Variants in BAZ2B observed in about 807,000 individuals in gnomAD.
The protein encoded by BAZ2B is bromodomain adjacent to zinc finger domain protein 2B.
Under a neutral mutation model 246.0 loss-of-function variants are expected in BAZ2B, and 91 were observed. The ratio of observed to expected loss-of-function variants is 0.37; its 90% CI spans 0.31 to 0.44. The LOEUF (loss-of-function observed/expected upper bound fraction) is 0.44, where lower values mean the gene tolerates loss of function less well. Ranked by LOEUF, BAZ2B falls within the 20% of genes least tolerant of loss-of-function variation. The probability of loss-of-function intolerance (pLI) is 1.00; values close to 1 mark genes in which losing one functional copy is unlikely to be tolerated. For missense variants in BAZ2B, 2,332 were observed against 2,533.7 expected (o/e 0.92, Z 1.71); for synonymous variants, 855 against 860.0 (o/e 0.99, Z 0.10).
chr2:159,565,652 C>A (rs1334553082), intron 1 of BAZ2B, among the ~76,000 whole-genome samples: 1 of 151,900 alleles, frequency 6.6e-6, no homozygotes, highest in East Asian at 1.9e-4. Context: ...TTGCGCGCCC[C>A]TGTAGTACCA....
chr2:159,677,545 T>C, the BAZ2B span, among the ~76,000 whole-genome samples: 1 of 152,184 alleles, frequency 6.6e-6, no homozygotes, highest in African/African-American at 2.4e-5. Flanking sequence ...AAAATTGCTC[T>C]GTGTCTTAAG....
intron 13 of BAZ2B, among the ~76,000 whole-genome samples, chr2:159,422,414 G>A (rs1037916593): frequency 2.6e-5 from 4 of 152,068 alleles, no homozygotes; most frequent in Non-Finnish European, 5.9e-5. Flanking sequence ...AATGGAACAG[G>A]ACAGAGAACT....
At chr2:159,379,294 T>C (rs539571286) in intron 25 of BAZ2B, among the ~76,000 whole-genome samples, 1 of 152,232 alleles carries the variant, frequency 6.6e-6, no homozygotes, top group South Asian at 2.1e-4. Context: ...GTCAAACTCA[T>C]AGAACCAGAG....
chr2:159,642,788 C>A, the BAZ2B span, among the ~76,000 whole-genome samples: 69,395 of 151,984 alleles, frequency 0.46, 16,692 homozygotes, highest in Middle Eastern at 0.64. Context: ...TATAAATTAA[C>A]GTAGGGAATG....
At chr2:159,346,670 C>T (rs750915276) in intron 31 of BAZ2B, among the ~76,000 whole-genome samples, 5 of 152,148 alleles carry the variant, frequency 3.3e-5, no homozygotes, top group Non-Finnish European at 7.3e-5. Flanking sequence ...GCCTGGGTGA[C>T]AGCGTGAGAC....
chr2:159,703,662 T>C, the BAZ2B span, among the ~76,000 whole-genome samples: 3 of 152,138 alleles, frequency 2.0e-5, no homozygotes, highest in African/African-American at 4.8e-5. Context: ...GGTGAGCAGA[T>C]TGCTTGAGCC....
chr2:159,594,199 G>A (rs948182034), intron 1 of BAZ2B, among the ~76,000 whole-genome samples: 1 of 152,158 alleles, frequency 6.6e-6, no homozygotes, highest in Non-Finnish European at 1.5e-5. Context: ...GTGGTCAGGG[G>A]ATCGAGACCA....
chr2:159,533,437 T>A (rs748660582), intron 2 of BAZ2B, among the ~76,000 whole-genome samples: 55 of 152,182 alleles, frequency 3.6e-4, no homozygotes, highest in Admixed American at 7.2e-4. Context: ...GGTTTGGTTT[T>A]CCAAAATGAA....
chr2:159,565,005 G>A (rs1399527968), intron 1 of BAZ2B, among the ~76,000 whole-genome samples: 1 of 152,104 alleles, frequency 6.6e-6, no homozygotes, highest in African/African-American at 2.4e-5. Flanking sequence ...CAAGTAGCTG[G>A]GATTAGAAGT....
chr2:159,639,952 T>C, the BAZ2B span, among the ~76,000 whole-genome samples: 1 of 151,766 alleles, frequency 6.6e-6, no homozygotes, highest in Non-Finnish European at 1.5e-5. Context: ...TTGTTGCCTA[T>C]AGGAAACACA....
chr2:159,344,951 T>C lies in BAZ2B; in HGVS notation c.5454+2535A>G, dbSNP rs981073796. 3.3e-4 allele frequency among the ~76,000 whole-genome samples: 51 copies of C among 152,318 alleles called. 1 individual carries two copies. The East Asian group carries it at 9.6e-3, about 29-fold the overall frequency. On this transcript the variant is annotated intron_variant, in intron 31 of 36. Coordinates refer to ENST00000392783, the MANE Select transcript of BAZ2B (RefSeq NM_013450.4). ...CTGGCTGGGCGCAGTGGCTCACACC[T>C]GTAATCCCAGCACTTTCGGAGGCCG...
intron 13 of BAZ2B, among the ~76,000 whole-genome samples, chr2:159,413,824 A>G (rs534394268): frequency 6.6e-6 from 1 of 152,338 alleles, no homozygotes; most frequent in South Asian, 2.1e-4. Flanking sequence ...ATCAATGTAA[A>G]TAAGTACAAC....
intron 2 of BAZ2B, among the ~76,000 whole-genome samples, chr2:159,536,903 T>A (rs573124593): frequency 1.3e-5 from 2 of 152,216 alleles, no homozygotes; most frequent in South Asian, 4.1e-4. Context: ...CTTTAATATT[T>A]ACATGTGGTA....
the BAZ2B span, among the ~76,000 whole-genome samples, chr2:159,634,277 G>A: frequency 6.6e-6 from 1 of 152,046 alleles, no homozygotes; most frequent in Non-Finnish European, 1.5e-5. Context: ...ATCATTTTTA[G>A]AAAACTTTTT....
the BAZ2B span, among the ~76,000 whole-genome samples, chr2:159,672,471 G>A: frequency 6.6e-6 from 1 of 152,182 alleles, no homozygotes; most frequent in South Asian, 2.1e-4. Context: ...ATAAAACTAT[G>A]CAATTTTCAT....
intron 1 of BAZ2B, among the ~76,000 whole-genome samples, chr2:159,581,787 C>G (rs1686852509): frequency 6.6e-6 from 1 of 151,840 alleles, no homozygotes; most frequent in African/African-American, 2.4e-5. Flanking sequence ...ATGGATGAAG[C>G]TGGAAACCAT....
the BAZ2B span, among the ~76,000 whole-genome samples, chr2:159,684,822 T>C: frequency 6.6e-6 from 1 of 152,240 alleles, no homozygotes; most frequent in African/African-American, 2.4e-5. Context: ...TTCTATGATA[T>C]AGAATAAAAT....
chr2:159,404,881 G>C lies in BAZ2B; in HGVS notation c.2800C>G (p.Gln934Glu). ...AIMAAEEKRK[Q>E]KEQIKIMKQQ... ...TTCATAATCTTTATCTGTTCTTTTT[G>C]CTTCCGCTTCTCCTCAGCAGCCATT... Residue 934 changes from glutamine (Q) to glutamate (E), a missense_variant, in exon 16 of 37, where the codon CAA becomes GAA. Around this residue, in one of 9 missense-constraint regions of BAZ2B, gnomAD observed 651 missense variants for 650.9 expected, o/e 1.00. Transcript: ENST00000392783. 6.2e-7 allele frequency: 1 copy of C among 1,612,934 alleles called. No individual in the cohort carries two copies. Among genetic ancestry groups the C allele is most frequent in the Non-Finnish European group, 8.5e-7 (1 of 1,179,786 alleles).
chr2:159,675,138 T>C, the BAZ2B span, among the ~76,000 whole-genome samples: 2 of 152,130 alleles, frequency 1.3e-5, no homozygotes, highest in African/African-American at 4.8e-5. Context: ...ACAGAGGCTC[T>C]TACTTGTAAT....
Sources: allele counts gnomAD v4.1 joint callset (sites outside exome capture counted in the v4.1 genomes callset), GRCh38; gene constraint gnomAD v4.1.1; regional missense constraint gnomAD v4.1.1; transcripts MANE v1.5; gene names NCBI Gene and HGNC (gene_info 2026-07-23, HGNC 2026-07-21).